The following CPA1 variants were observed in gnomAD, a reference collection of about 807,000 sequenced individuals.
The protein encoded by CPA1 is carboxypeptidase A1.
In CPA1, 42 loss-of-function variants were observed where a neutral mutation model predicts 48.7. The observed-to-expected ratio is 0.86, with a 90% confidence interval of 0.67 to 1.11. The LOEUF is 1.11. Ranked by LOEUF, CPA1 falls within the 50% of genes most tolerant of loss-of-function variation. The pLI is 0.00. For missense variants in CPA1, 477 were observed against 544.7 expected (o/e 0.88, Z 1.24); for synonymous variants, 203 against 217.9 (o/e 0.93, Z 0.60).
Position 130,383,507 on chromosome 7 carries a change from G to A in CPA1, c.585+15G>A. The A allele has an allele frequency of 1.9e-6, 3 of 1,607,044 alleles. No homozygotes were observed. The highest frequency in any genetic ancestry group is 1.1e-5 in the South Asian group (1 of 90,708). ...TTGCAAAGAAGGTAAGGCCGGGGAG[G>A]TGAGGAGGGCTCTCACCTGGTGGGG... On this transcript the variant is annotated intron_variant, in intron 5 of 9. Transcript: ENST00000011292.
At position 130,384,570 on chromosome 7, in the gene CPA1, C is replaced by T. The variant is rs1165879584; in HGVS notation, c.731C>T (p.Ala244Val). The T allele has an allele frequency of 5.6e-6, 9 of 1,614,122 alleles. No homozygotes were observed. The African/African-American group carries it at 6.7e-5, about 12-fold the overall frequency. The change falls in exon 7 of 10, where the codon GCA (alanine) becomes GTA (valine). Residue 244 changes from alanine (A) to valine (V), a missense_variant. Physicochemically the swap from Ala to Val is moderately conservative, Grantham distance 64. Transcript: ENST00000011292. The stretch of plus-strand genomic sequence containing the variant: ...TGGCGCAAGACTCGGTCCCACACAG[C>T]AGGCTCCCTCTGTATTGGCGTGGAC... The part of the protein sequence containing the change: ...RMWRKTRSHT[A>V]GSLCIGVDPN...
chr7:130,386,741 CAAAGA>C (rs1796481967), intron 9 of CPA1, among the ~76,000 whole-genome samples: 1 of 152,124 alleles, frequency 6.6e-6, no homozygotes, highest in Non-Finnish European at 1.5e-5. Flanking sequence ...ATGAAATAAG[CAAAGA>C]TCAGGGAACT....
Position 130,384,627 on chromosome 7 carries a change from G to A in CPA1, c.787+1G>A, listed in dbSNP as rs782790782. ...AGGAACTGGGACGCTGGCTTTGGGT[G>A]TAAGGCCCAGAGTGTCTTGGGAGCA... On this transcript the variant is annotated splice_donor_variant, in intron 7 of 9. Transcript: ENST00000011292. LOFTEE classifies it high-confidence loss of function. 3 of 1,612,860 alleles carry A rather than the reference G, an allele frequency of 1.9e-6. No homozygotes were observed. The highest frequency in any genetic ancestry group is 3.3e-5 in the Admixed American group (2 of 60,026).
In CPA1 at chr7:130,381,679, G is replaced by C; in HGVS notation, c.197G>C (p.Arg66Pro). 6.2e-7 allele frequency: 1 copy of C among 1,614,006 alleles called. No homozygotes were observed. Among genetic ancestry groups the C allele is most frequent in the African/African-American group, 1.3e-5 (1 of 75,042 alleles). ...CACCCTGGCTCCCCCATCGACGTCCGAGTGCCCTTCCCCAGCATCCAGGCG... is the reference window on the plus strand; with the variant it reads ...CACCCTGGCTCCCCCATCGACGTCCCAGTGCCCTTCCCCAGCATCCAGGCG... ...PAHPGSPIDV[R>P]VPFPSIQAVK... The change falls in exon 3 of 10, where the codon CGA (arginine) becomes CCA (proline). Residue 66 changes from arginine (R) to proline (P), a missense_variant. Arg to Pro is a moderately radical substitution (Grantham distance 103). Transcript: ENST00000011292.
At chr7:130,384,985 C>T in intron 7 of CPA1, 161 bp from the exon 8 acceptor site, 1 of 697,556 alleles carries the variant, frequency 1.4e-6, no homozygotes, top group South Asian at 1.8e-5. Flanking sequence ...GCTGGGAGGG[C>T]AGTTCCCCCA....
chr7:130,384,231 C>T (rs1796443336), intron 6 of CPA1: 5 of 481,950 alleles, frequency 1.0e-5, no homozygotes, highest in Non-Finnish European at 1.9e-5. Context: ...TGGAGGACAC[C>T]TCGCAGCTTC....
Position 130,387,536 on chromosome 7 carries a change from C to A in CPA1, c.1073-288C>A, listed in dbSNP as rs1267176310. Reference sequence around the variant, plus strand: ...GGGCTTCACCGAAAGGGCTGTTGGACAGAGGCTGTTTTCAGAGGGGCTTGT... The same window carrying A: ...GGGCTTCACCGAAAGGGCTGTTGGAAAGAGGCTGTTTTCAGAGGGGCTTGT... On this transcript the variant is annotated intron_variant, in intron 9 of 9. Transcript: ENST00000011292. The surrounding 1 kb of genome is among the most constrained non-coding windows in gnomAD (Gnocchi z 4.6). Among the ~76,000 whole-genome samples the A allele has an allele frequency of 1.3e-5, 2 of 152,202 alleles. No homozygotes were observed. The highest frequency in any genetic ancestry group is 2.9e-5 in the Non-Finnish European group (2 of 68,040).
At chr7:130,380,744 G>A in intron 1 of CPA1, 159 bp downstream of exon 1, 2 of 487,048 alleles carry the variant, frequency 4.1e-6, no homozygotes, top group South Asian at 4.7e-5. Context: ...CCAGGGTTGG[G>A]AAGAGGTTGT....
chr7:130,387,701 C>A lies in CPA1; in HGVS notation c.1073-123C>A. Reference sequence around the variant, plus strand: ...TTGGTCAACAGCAGACCTTAGTAGACACTGACTCCACTCAGCATTGCACAA... The same window carrying A: ...TTGGTCAACAGCAGACCTTAGTAGAAACTGACTCCACTCAGCATTGCACAA... On this transcript the variant is annotated intron_variant, in intron 9 of 9. Transcript: ENST00000011292. This position sits in a 1 kb window ranked among gnomAD's most constrained non-coding sequence, Gnocchi z 4.6. 1.2e-6 allele frequency: 1 copy of A among 867,390 alleles called. No homozygotes were observed. The allele number at this position is 867,390 out of a possible 1,614,324, so 53.7% of individuals were successfully genotyped here. A position where few individuals can be genotyped will look rare whatever the true frequency, so the allele number is the denominator to read the frequency against.
rs2117505915 is a variant in CPA1 at position 130,385,188 on chromosome 7, G to A, written c.830G>A (p.Gly277Asp). 2.5e-6 allele frequency: 4 copies of A among 1,614,190 alleles called. No individual in the cohort carries two copies. The highest frequency in any genetic ancestry group is 3.4e-6 in the Non-Finnish European group (4 of 1,180,030). ...AACCCCTGCTCGGAGACTTACCACG[G>A]CAAGTTTGCCAATTCCGAAGTGGAG... ...SSNPCSETYHGKFANSEVEVK... is the reference protein window; with the variant it reads ...SSNPCSETYHDKFANSEVEVK... Residue 277 changes from glycine (G) to aspartate (D), a missense_variant, in exon 8 of 10, where the codon GGC (glycine) becomes GAC (aspartate). Physicochemically the swap from Gly to Asp is moderately conservative, Grantham distance 94. Transcript: ENST00000011292.
intron 1 of CPA1, 27 bp downstream of exon 1, chr7:130,380,612 C>T (rs1554411033): frequency 3.2e-6 from 4 of 1,246,324 alleles, no homozygotes; most frequent in East Asian, 2.8e-5. Flanking sequence ...GAGGGGGTGC[C>T]CTCTGAGGGT....
Position 130,385,307 on chromosome 7 carries a change from G to A in CPA1, c.949G>A (p.Gly317Ser). The A allele has an allele frequency of 1.2e-6, 2 of 1,614,190 alleles. No individual in the cohort carries two copies. The highest frequency in any genetic ancestry group is 4.5e-5 in the East Asian group (2 of 44,888). Residue 317 changes from glycine (G) to serine (S), a missense_variant, in exon 8 of 10, where the codon GGC becomes AGC. Transcript: ENST00000011292. ...SYSQLLMYPYGYKTEPVPDQD... is the reference protein window; with the variant it reads ...SYSQLLMYPYSYKTEPVPDQD... Reference sequence around the variant, plus strand: ...CTCCCAGCTCCTCATGTATCCCTATGGCTACAAAACAGAACCAGTCCCTGA... The same window carrying A: ...CTCCCAGCTCCTCATGTATCCCTATAGCTACAAAACAGAACCAGTCCCTGA...
At chr7:130,383,942 C>T (rs904886396) in intron 6 of CPA1, 148 bp downstream of exon 6, 10 of 668,306 alleles carry the variant, frequency 1.5e-5, no homozygotes, top group South Asian at 6.7e-5. Flanking sequence ...TCAACAGTGG[C>T]GTGATTGGCA....
Position 130,387,785 on chromosome 7 carries a change from G to A in CPA1, c.1073-39G>A, listed in dbSNP as rs781800875. ...CCCAACCCGTGTAAATATTCCCAAA[G>A]TGATTGACCCTTTCTCTCCTATTTT... is the stretch of plus-strand genomic sequence containing the variant. On this transcript the variant is annotated intron_variant, in intron 9 of 9. Transcript: ENST00000011292. The surrounding 1 kb of genome is among the most constrained non-coding windows in gnomAD (Gnocchi z 4.6). 6.9e-6 allele frequency: 11 copies of A among 1,586,518 alleles called. No homozygotes were observed. Among genetic ancestry groups the A allele is most frequent in the Non-Finnish European group, 9.5e-6 (11 of 1,157,370 alleles).
At chr7:130,384,157 G>A (rs1208751115) in intron 6 of CPA1, 5 of 430,274 alleles carry the variant, frequency 1.2e-5, no homozygotes, top group Non-Finnish European at 2.1e-5. Flanking sequence ...CTTACTTCCT[G>A]GTCCTACTTC....
Position 130,387,858 on chromosome 7 carries a change from C to G in CPA1, c.1107C>G (p.Tyr369Ter). 6.2e-7 allele frequency: 1 copy of G among 1,614,230 alleles called. No homozygotes were observed. The highest frequency in any genetic ancestry group is 8.5e-7 in the Non-Finnish European group (1 of 1,180,044). The part of the protein sequence containing the change: ...QASGSTIDWT[Y>*]SQGIKYSFTF... The stretch of plus-strand genomic sequence containing the variant: ...GTGGAAGCACTATTGACTGGACCTA[C>G]AGCCAGGGCATCAAGTACTCCTTCA... Residue 369 changes from tyrosine (Y) to a stop codon, truncating the protein, a stop_gained, in exon 10 of 10, where the codon TAC (tyrosine) becomes TAG (stop). Transcript: ENST00000011292. LOFTEE classifies it high-confidence loss of function. This position sits in a 1 kb window ranked among gnomAD's most constrained non-coding sequence, Gnocchi z 4.6.
Position 130,384,467 on chromosome 7 carries a change from A to AT in CPA1, c.697-69_697-68insT. On this transcript the variant is annotated intron_variant, in intron 6 of 9. Coordinates refer to ENST00000011292, the MANE Select transcript of CPA1 (RefSeq NM_001868.4). ...CTCTGCTCTCTGCAGCCTCTGAACC[A>AT]CCCCCCACCCAGCACTGTGACAAGC... The AT allele has an allele frequency of 2.2e-6, 3 of 1,376,014 alleles. No individual in the cohort carries two copies. In the South Asian group the frequency reaches 3.5e-5, roughly 16 times the overall value. The allele number at this position is 1,376,014 out of a possible 1,614,324, so 85.2% of individuals were successfully genotyped here. A position where few individuals can be genotyped will look rare whatever the true frequency, so the allele number is the denominator to read the frequency against.
At chr7:130,381,068 G>C (rs897733567) in intron 1 of CPA1, 30 bp from the exon 2 acceptor site, 11 of 1,595,054 alleles carry the variant, frequency 6.9e-6, no homozygotes, top group Non-Finnish European at 9.4e-6. Context: ...TGCAGCTTGG[G>C]TGCTCACTCC....
At chr7:130,383,124 G>A (rs997504099) in intron 4 of CPA1, among the ~76,000 whole-genome samples, 5 of 152,164 alleles carry the variant, frequency 3.3e-5, no homozygotes, top group African/African-American at 4.8e-5. Flanking sequence ...AGAACTGTCC[G>A]AGCAGCAGAA....
Sources: allele counts gnomAD v4.1 joint callset (sites outside exome capture counted in the v4.1 genomes callset), GRCh38; gene constraint gnomAD v4.1.1; non-coding constraint Gnocchi (gnomAD v3.1); transcripts MANE v1.5; gene names NCBI Gene and HGNC (gene_info 2026-07-23, HGNC 2026-07-21).